The following NR3C2 variants were observed in gnomAD, a reference collection of about 807,000 sequenced individuals.
NR3C2 encodes mineralocorticoid receptor.
Under a neutral mutation model 86.4 loss-of-function variants are expected in NR3C2, and 15 were observed. That is an observed-to-expected ratio of 0.17 (90% CI 0.12 to 0.27). The LOEUF (loss-of-function observed/expected upper bound fraction) is 0.27, where lower values mean the gene tolerates loss of function less well. Ranked by LOEUF, NR3C2 falls within the 10% of genes least tolerant of loss-of-function variation. NR3C2 has a pLI of 1.00. For missense variants in NR3C2, 960 were observed against 1,195.6 expected, an observed-to-expected ratio of 0.80 and a Z score of 2.91; for synonymous variants, 458 against 450.5, an observed-to-expected ratio of 1.02 and a Z score of -0.21.
At chr4:148,382,874 TA>T (rs1747070432) in intron 2 of NR3C2, among the ~76,000 whole-genome samples, 1 of 152,094 alleles carries the variant, frequency 6.6e-6, no homozygotes, top group South Asian at 2.1e-4. Context: ...GAGTTACAAA[TA>T]AAGCAGTAGA....
At chr4:148,246,721 T>C (rs534890906) in intron 3 of NR3C2, among the ~76,000 whole-genome samples, 4 of 152,140 alleles carry the variant, frequency 2.6e-5, no homozygotes, top group African/African-American at 9.6e-5. Context: ...CAGGCTAATT[T>C]TTTGTATTTT....
chr4:148,382,817 CTT>C (rs1561076025), intron 2 of NR3C2, among the ~76,000 whole-genome samples: 1 of 152,048 alleles, frequency 6.6e-6, no homozygotes, highest in African/African-American at 2.4e-5. Context: ...GTAAAAGTCA[CTT>C]TGAGTAATAT....
chr4:148,432,545 A>G (rs1217323891), intron 2 of NR3C2, among the ~76,000 whole-genome samples: 21 of 152,158 alleles, frequency 1.4e-4, no homozygotes. Flanking sequence ...TCAAACCATG[A>G]TTTGACATCT....
chr4:148,211,350 C>T (rs1737273326), intron 3 of NR3C2, among the ~76,000 whole-genome samples: 2 of 152,208 alleles, frequency 1.3e-5, no homozygotes, highest in African/African-American at 2.4e-5. Context: ...GAAAGCCAAA[C>T]TGTGATCACA....
chr4:148,236,856 T>C (rs371416908), intron 3 of NR3C2, among the ~76,000 whole-genome samples: 25 of 152,282 alleles, frequency 1.6e-4, no homozygotes, highest in Middle Eastern at 3.4e-3. Context: ...TATAAACACA[T>C]CGATGCAAAA....
intron 8 of NR3C2, among the ~76,000 whole-genome samples, chr4:148,111,473 G>GCATT (rs1732043811): frequency 6.6e-6 from 1 of 152,264 alleles, no homozygotes; most frequent in South Asian, 2.1e-4. Context: ...CTACTACAAG[G>GCATT]CATTCATCCA....
chr4:148,440,411 C>T (rs1338179930), intron 1 of NR3C2, among the ~76,000 whole-genome samples: 4 of 152,074 alleles, frequency 2.6e-5, no homozygotes, highest in Admixed American at 6.5e-5. Flanking sequence ...AAATACTAGT[C>T]GATGAATATG....
At position 148,126,308 on chromosome 4, in the gene NR3C2, CAT is replaced by C. The variant is rs150264104; in HGVS notation, c.2511-6022_2511-6021del. 7.7e-3 allele frequency among the ~76,000 whole-genome samples: 1,178 copies of C among 152,284 alleles called. 6 individuals carry two copies. Among genetic ancestry groups the C allele is most frequent in the Non-Finnish European group, 0.012 (835 of 68,016 alleles). ...GCAAGCTCTTAAATTATACTTCACA[CAT>C]GTTAGCTTTATTTGGAAATCATGGA... On this transcript the variant is annotated intron_variant, in intron 6 of 8. Transcript: ENST00000358102.
intron 2 of NR3C2, among the ~76,000 whole-genome samples, chr4:148,391,898 C>T (rs1399830160): frequency 6.6e-6 from 1 of 150,750 alleles, no homozygotes; most frequent in Non-Finnish European, 1.5e-5. Flanking sequence ...TCAAATGTCT[C>T]CTTCACTAGA....
At chr4:148,130,046 T>C (rs1037942197) in intron 6 of NR3C2, among the ~76,000 whole-genome samples, 7 of 152,232 alleles carry the variant, frequency 4.6e-5, no homozygotes, top group African/African-American at 7.2e-5. Flanking sequence ...GTGTCTTGAA[T>C]AGTTTTTAGT....
chr4:148,319,032 C>G (rs1182726460), intron 2 of NR3C2, among the ~76,000 whole-genome samples: 2 of 151,898 alleles, frequency 1.3e-5, no homozygotes, highest in Non-Finnish European at 2.9e-5. Context: ...AGTCTTTAAT[C>G]AATCTTGAAT....
chr4:148,371,104 G>A lies in NR3C2; in HGVS notation c.1757+64000C>T, dbSNP rs185966565. On this transcript the variant is annotated intron_variant, in intron 2 of 8. Transcript: ENST00000358102. ...ATTTATGGGTTATACGAGTTACTTT[G>A]ATAGAGGCATGCAGTGCATAATAAT... 7.0e-3 allele frequency among the ~76,000 whole-genome samples: 1,062 copies of A among 152,308 alleles called. 4 individuals are homozygous for A. Among genetic ancestry groups the A allele is most frequent in the Non-Finnish European group, 0.011 (730 of 68,020 alleles).
upstream of NR3C2, chr4:148,444,580 C>A (rs1455707065): frequency 6.4e-5 from 63 of 988,194 alleles, no homozygotes; most frequent in Non-Finnish European, 7.6e-5. Context: ...CGGCTAGACT[C>A]CCGCCGCCGC....
At chr4:148,431,725 C>A (rs1236790876) in intron 2 of NR3C2, among the ~76,000 whole-genome samples, 1 of 152,136 alleles carries the variant, frequency 6.6e-6, no homozygotes, top group Non-Finnish European at 1.5e-5. Flanking sequence ...AAAAAATTAA[C>A]CTGAGCAAGA....
At chr4:148,090,235 C>T (rs1207911727) in intron 8 of NR3C2, among the ~76,000 whole-genome samples, 5 of 152,182 alleles carry the variant, frequency 3.3e-5, no homozygotes, top group Non-Finnish European at 7.3e-5. Flanking sequence ...GAAATACACA[C>T]AGAAAGGCAG....
In NR3C2 at chr4:148,411,611, TTTTC is replaced by T. The variant is rs957886324; in HGVS notation, c.1757+23489_1757+23492del. Among the ~76,000 whole-genome samples the T allele has an allele frequency of 1.2e-3, 185 of 152,244 alleles. 1 individual carries two copies. The highest frequency in any genetic ancestry group is 6.8e-3 in the Middle Eastern group (2 of 294). ...AAGGTCTATATTGCTCGACACTGGT[TTTTC>T]TTTCTTTTTAATTCAACACAATGCT... On this transcript the variant is annotated intron_variant, in intron 2 of 8. Transcript: ENST00000358102.
At chr4:148,113,969 T>C (rs1732158665) in intron 8 of NR3C2, 135 bp downstream of exon 8, 1 of 1,049,280 alleles carries the variant, frequency 9.5e-7, no homozygotes, top group Admixed American at 2.0e-5. Context: ...CCCTTGGACA[T>C]GGCGATATCC....
chr4:148,320,887 C>T (rs1337456764), intron 2 of NR3C2, among the ~76,000 whole-genome samples: 4 of 149,050 alleles, frequency 2.7e-5, no homozygotes, highest in African/African-American at 7.5e-5. Context: ...TTCAGTTCTG[C>T]TCTGATTTTA....
chr4:148,230,731 TCA>T (rs1283292699), intron 3 of NR3C2, among the ~76,000 whole-genome samples: 1 of 152,234 alleles, frequency 6.6e-6, no homozygotes, highest in Non-Finnish European at 1.5e-5. Context: ...GCTTTCATGC[TCA>T]GTTATAACCA....
Sources: allele counts gnomAD v4.1 joint callset (sites outside exome capture counted in the v4.1 genomes callset), GRCh38; gene constraint gnomAD v4.1.1; transcripts MANE v1.5; gene names NCBI Gene and HGNC (gene_info 2026-07-23, HGNC 2026-07-21).